The following POU6F2 variants were observed in gnomAD, a reference collection of about 807,000 sequenced individuals.
POU6F2 encodes the protein POU domain, class 6, transcription factor 2.
Under a neutral mutation model 71.3 loss-of-function variants are expected in POU6F2, and 31 were observed. The ratio of observed to expected loss-of-function variants is 0.43; its 90% CI spans 0.33 to 0.59. POU6F2 has a LOEUF of 0.59. Among genes scored for constraint, POU6F2 ranks in the 20% least tolerant of loss-of-function variants. The pLI is 0.04. For missense variants in POU6F2, 783 were observed against 856.8 expected (o/e 0.91, Z 1.07); for synonymous variants, 347 against 355.7 (o/e 0.98, Z 0.27).
intron 4 of POU6F2, among the ~76,000 whole-genome samples, chr7:39,242,193 A>G (rs2128751459): frequency 6.6e-6 from 1 of 152,252 alleles, no homozygotes; most frequent in Admixed American, 6.5e-5. Context: ...TTTTTCTGTG[A>G]ACATAAATTT....
intron 1 of POU6F2, among the ~76,000 whole-genome samples, chr7:39,065,360 A>G (rs1480876376): frequency 6.6e-6 from 1 of 151,778 alleles, no homozygotes; most frequent in Non-Finnish European, 1.5e-5. Flanking sequence ...CATGAATATG[A>G]TAATTCACAA....
chr7:39,257,804 C>T (rs917725430), intron 4 of POU6F2, among the ~76,000 whole-genome samples: 5 of 151,318 alleles, frequency 3.3e-5, no homozygotes, highest in African/African-American at 1.2e-4. Context: ...TCTGTGTGCC[C>T]ATTGAGGCAG....
intron 8 of POU6F2, among the ~76,000 whole-genome samples, chr7:39,455,077 C>T (rs1457455984): frequency 6.6e-6 from 1 of 152,168 alleles, no homozygotes; most frequent in African/African-American, 2.4e-5. Flanking sequence ...TCTCCATAAT[C>T]ATCAGAGGTG....
At chr7:39,399,285 A>G (rs1461270373) in intron 5 of POU6F2, among the ~76,000 whole-genome samples, 1 of 152,104 alleles carries the variant, frequency 6.6e-6, no homozygotes, top group Non-Finnish European at 1.5e-5. Context: ...TCAGTCTGTC[A>G]TTCGCACTGT....
intron 4 of POU6F2, among the ~76,000 whole-genome samples, chr7:39,218,429 T>C (rs1283403928): frequency 6.6e-6 from 1 of 152,166 alleles, no homozygotes; most frequent in African/African-American, 2.4e-5. Flanking sequence ...GGAGAGCTAA[T>C]GCTCTCCAAG....
intron 1 of POU6F2, among the ~76,000 whole-genome samples, chr7:38,982,936 T>A (rs1451722412): frequency 6.6e-6 from 1 of 152,124 alleles, no homozygotes; most frequent in Non-Finnish European, 1.5e-5. Flanking sequence ...CAGTGAAGGA[T>A]GTTTCTTCAC....
At chr7:39,025,837 C>T (rs1031435747) in intron 1 of POU6F2, among the ~76,000 whole-genome samples, 23 of 151,710 alleles carry the variant, frequency 1.5e-4, no homozygotes, top group Middle Eastern at 3.4e-3. Flanking sequence ...AGAAAATTTT[C>T]GCAACCTACT....
At chr7:39,209,910 A>G (rs1794103235) in intron 4 of POU6F2, among the ~76,000 whole-genome samples, 1 of 152,102 alleles carries the variant, frequency 6.6e-6, no homozygotes, top group African/African-American at 2.4e-5. Flanking sequence ...CTTCAGGATG[A>G]CCTCAAATCT....
At chr7:39,315,941 TCTC>T (rs1321663608) in intron 4 of POU6F2, among the ~76,000 whole-genome samples, 1 of 152,230 alleles carries the variant, frequency 6.6e-6, no homozygotes, top group Non-Finnish European at 1.5e-5. Context: ...TTGATATACT[TCTC>T]CTGTGAGAAA....
At chr7:39,244,428 A>G (rs1226646029) in intron 4 of POU6F2, among the ~76,000 whole-genome samples, 1 of 152,134 alleles carries the variant, frequency 6.6e-6, no homozygotes, top group Non-Finnish European at 1.5e-5. Context: ...TTTCTCTGAA[A>G]CTGAATTTCC....
chr7:39,265,561 C>T (rs1161935053), intron 4 of POU6F2, among the ~76,000 whole-genome samples: 1 of 152,130 alleles, frequency 6.6e-6, no homozygotes, highest in Non-Finnish European at 1.5e-5. Flanking sequence ...TTGAAATACT[C>T]CACATTTTAG....
chr7:39,362,684 TAAAC>T lies in POU6F2; in HGVS notation c.972+22675_972+22678del, dbSNP rs994008879. ...CATACAAATATTAAAAAAAGGCAAA[TAAAC>T]AAACACATAGTGTATCAAACACTGA... is the stretch of plus-strand genomic sequence containing the variant. On this transcript the variant is annotated intron_variant, in intron 5 of 9. Coordinates refer to ENST00000518318, the MANE Select transcript of POU6F2 (RefSeq NM_001370959.1). Among the ~76,000 whole-genome samples the T allele has an allele frequency of 9.2e-5, 14 of 151,906 alleles. 1 individual carries two copies. Among genetic ancestry groups the T allele is most frequent in the East Asian group, 5.8e-4 (3 of 5,180 alleles).
At chr7:39,057,962 C>T (rs540185936) in intron 1 of POU6F2, among the ~76,000 whole-genome samples, 1 of 152,242 alleles carries the variant, frequency 6.6e-6, no homozygotes, top group Admixed American at 6.5e-5. Flanking sequence ...TCTTTCTGTC[C>T]ACCAGGCTCC....
intron 4 of POU6F2, among the ~76,000 whole-genome samples, chr7:39,238,288 G>C (rs903343867): frequency 6.6e-6 from 1 of 152,066 alleles, no homozygotes; most frequent in African/African-American, 2.4e-5. Flanking sequence ...AAGGACAAAC[G>C]CCGCCTGACA....
At chr7:39,275,688 A>T (rs1236400825) in intron 4 of POU6F2, among the ~76,000 whole-genome samples, 3 of 152,308 alleles carry the variant, frequency 2.0e-5, no homozygotes, top group Admixed American at 6.5e-5. Context: ...AGCATGGTAC[A>T]GGTACCAAAA....
At chr7:39,358,495 C>T (rs529162746) in intron 5 of POU6F2, among the ~76,000 whole-genome samples, 6 of 152,286 alleles carry the variant, frequency 3.9e-5, no homozygotes, top group African/African-American at 9.6e-5. Flanking sequence ...AAATTCTCCT[C>T]GCCCAACCCA....
intron 4 of POU6F2, among the ~76,000 whole-genome samples, chr7:39,229,229 AT>A (rs1230686157): frequency 6.6e-6 from 1 of 152,202 alleles, no homozygotes; most frequent in African/African-American, 2.4e-5. Context: ...ATAGGGCAGC[AT>A]TTGTTTGCGC....
At chr7:39,145,524 G>C (rs535614560) in intron 2 of POU6F2, among the ~76,000 whole-genome samples, 3 of 152,256 alleles carry the variant, frequency 2.0e-5, no homozygotes, top group Non-Finnish European at 4.4e-5. Context: ...ACTTCTAACC[G>C]GCAATGGTTT....
intron 2 of POU6F2, among the ~76,000 whole-genome samples, chr7:39,125,331 T>A (rs1792120159): frequency 6.6e-6 from 1 of 152,170 alleles, no homozygotes; most frequent in African/African-American, 2.4e-5. Flanking sequence ...TGAAATTAGA[T>A]TCTCTGCTTT....
Sources: gnomAD v4.1 joint callset for allele counts (sites outside exome capture counted in the v4.1 genomes callset) on GRCh38, gnomAD v4.1.1 for gene constraint, MANE v1.5 for transcripts, NCBI Gene and HGNC (gene_info 2026-07-23, HGNC 2026-07-21) for gene names.